NFIB: variants seen among roughly 807,000 people sequenced by gnomAD.
The protein encoded by NFIB is nuclear factor I B.
NFIB carries 11 observed loss-of-function variants against 61.5 expected under a neutral mutation model. The observed-to-expected ratio is 0.18, with a 90% CI of 0.11 to 0.30. The LOEUF is 0.30. Among genes scored for constraint, NFIB ranks in the 10% least tolerant of loss-of-function variants. NFIB has a pLI of 1.00. For synonymous variants in NFIB, 260 were observed against 216.5 expected, an observed-to-expected ratio of 1.20 and a Z score of -1.76; for missense variants, 471 against 608.9, an observed-to-expected ratio of 0.77 and a Z score of 2.38.
chr9:14,382,681 G>C (rs529726817), intron 1 of NFIB, among the ~76,000 whole-genome samples: 1 of 152,082 alleles, frequency 6.6e-6, no homozygotes, highest in South Asian at 2.1e-4. Context: ...TAGCAGCACT[G>C]TTTGTAACAG....
chr9:14,116,658 TG>T (rs1377000069), intron 8 of NFIB, among the ~76,000 whole-genome samples: 1 of 152,252 alleles, frequency 6.6e-6, no homozygotes, highest in African/African-American at 2.4e-5. Flanking sequence ...CAGACTTAAA[TG>T]CTTAGCCCAA....
At chr9:14,141,927 C>G (rs76530508) in intron 6 of NFIB, among the ~76,000 whole-genome samples, 1 of 49,900 alleles carries the variant, frequency 2.0e-5, no homozygotes, top group Non-Finnish European at 3.6e-5. Context: ...AAAAAAAAAA[C>G]AACGAAATCC....
At chr9:14,380,231 G>T (rs2061472007) in intron 1 of NFIB, among the ~76,000 whole-genome samples, 1 of 152,094 alleles carries the variant, frequency 6.6e-6, no homozygotes, top group South Asian at 2.1e-4. Context: ...AATGCTTCTG[G>T]GTCTTCCACC....
At chr9:14,459,689 C>A in the NFIB span, among the ~76,000 whole-genome samples, 1 of 152,136 alleles carries the variant, frequency 6.6e-6, no homozygotes, top group Non-Finnish European at 1.5e-5. Context: ...CAAACAACCC[C>A]ATCAAAAAGC....
intron 3 of NFIB, among the ~76,000 whole-genome samples, chr9:14,163,491 C>T (rs1018984591): frequency 6.6e-6 from 1 of 151,718 alleles, no homozygotes; most frequent in African/African-American, 2.4e-5. Context: ...AAAAAGGAAG[C>T]AGTATCAGCA....
the NFIB span, among the ~76,000 whole-genome samples, chr9:14,503,198 G>C: frequency 6.6e-6 from 1 of 151,338 alleles, no homozygotes; most frequent in Non-Finnish European, 1.5e-5. Flanking sequence ...TGATTGATGG[G>C]CATTTGGGCT....
At chr9:14,497,430 G>T in the NFIB span, among the ~76,000 whole-genome samples, 1 of 152,200 alleles carries the variant, frequency 6.6e-6, no homozygotes, top group Non-Finnish European at 1.5e-5. Flanking sequence ...AGGAGCTTAT[G>T]TCCTAGAGAG....
intron 1 of NFIB, among the ~76,000 whole-genome samples, chr9:14,371,875 T>C (rs1464428538): frequency 6.6e-6 from 1 of 152,184 alleles, no homozygotes; most frequent in African/African-American, 2.4e-5. Flanking sequence ...TAAAAATATT[T>C]AACTACGAAG....
At chr9:14,298,701 T>A (rs1446547149) in intron 2 of NFIB, among the ~76,000 whole-genome samples, 1 of 152,144 alleles carries the variant, frequency 6.6e-6, no homozygotes, top group African/African-American at 2.4e-5. Context: ...TGTCAGCTAT[T>A]ACCATTAAAG....
chr9:14,145,417 A>C (rs2042176165), intron 6 of NFIB, among the ~76,000 whole-genome samples: 1 of 151,968 alleles, frequency 6.6e-6, no homozygotes, highest in Non-Finnish European at 1.5e-5. Context: ...GGTACACTTG[A>C]CTCAAAGGCC....
intron 2 of NFIB, among the ~76,000 whole-genome samples, chr9:14,261,522 C>A (rs2056753984): frequency 1.3e-5 from 2 of 151,970 alleles, no homozygotes; most frequent in Admixed American, 1.3e-4. Flanking sequence ...AAAATTAACT[C>A]ACAAAAGGCA....
At chr9:14,498,340 G>A in the NFIB span, among the ~76,000 whole-genome samples, 1 of 152,184 alleles carries the variant, frequency 6.6e-6, no homozygotes, top group Non-Finnish European at 1.5e-5. Context: ...CATTTGGTCT[G>A]AGCCAATACA....
chr9:14,260,096 C>T (rs2056608319), intron 2 of NFIB, among the ~76,000 whole-genome samples: 1 of 152,142 alleles, frequency 6.6e-6, no homozygotes, highest in East Asian at 1.9e-4. Context: ...CTGCTGGGTC[C>T]TGAAAGAACC....
At chr9:14,429,129 C>G in the NFIB span, among the ~76,000 whole-genome samples, 4 of 152,270 alleles carry the variant, frequency 2.6e-5, no homozygotes, top group South Asian at 8.3e-4. Flanking sequence ...CAGCTGCTGC[C>G]AATCAGAGTG....
At chr9:14,503,893 G>A in the NFIB span, among the ~76,000 whole-genome samples, 2 of 152,042 alleles carry the variant, frequency 1.3e-5, no homozygotes, top group African/African-American at 2.4e-5. Context: ...TGAAGTCTTC[G>A]CCTAAGCCAA....
chr9:14,305,918 T>C (rs2059993006), intron 2 of NFIB: 2 of 1,225,412 alleles, frequency 1.6e-6, no homozygotes, highest in South Asian at 2.5e-5. Context: ...CAGTCTACTT[T>C]TGGTATGCGG....
intron 2 of NFIB, among the ~76,000 whole-genome samples, chr9:14,219,852 A>T (rs1263051634): frequency 6.6e-6 from 1 of 152,234 alleles, no homozygotes; most frequent in African/African-American, 2.4e-5. Context: ...CAATATATTA[A>T]GAATCCTCTG....
intron 6 of NFIB, among the ~76,000 whole-genome samples, chr9:14,128,263 G>A (rs576551374): frequency 6.6e-6 from 1 of 152,034 alleles, no homozygotes; most frequent in Non-Finnish European, 1.5e-5. Context: ...TTAACTGTTT[G>A]AAAAAGAAAC....
At chr9:14,188,488 C>T (rs949685369) in intron 2 of NFIB, among the ~76,000 whole-genome samples, 2 of 152,148 alleles carry the variant, frequency 1.3e-5, no homozygotes, top group African/African-American at 2.4e-5. Context: ...TAAACTAAAA[C>T]ATTATTTATT....
Sources: gnomAD v4.1 joint callset for allele counts (sites outside exome capture counted in the v4.1 genomes callset) on GRCh38, gnomAD v4.1.1 for gene constraint, MANE v1.5 for transcripts, NCBI Gene and HGNC (gene_info 2026-07-23, HGNC 2026-07-21) for gene names.